Variants in ADAM22 observed in about 807,000 individuals in gnomAD.
ADAM22 encodes ADAM metallopeptidase domain 22.
Under a neutral mutation model 144.6 loss-of-function variants are expected in ADAM22, and 65 were observed. The ratio of observed to expected loss-of-function variants is 0.45; its 90% CI spans 0.37 to 0.55. The LOEUF is 0.55. Ranked by LOEUF, ADAM22 falls within the 20% of genes least tolerant of loss-of-function variation. The pLI is 0.00. For synonymous variants in ADAM22, 391 were observed against 412.6 expected (o/e 0.95, Z 0.63); for missense variants, 974 against 1,184.9 (o/e 0.82, Z 2.61).
chr7:88,094,380 G>A (rs557050603), intron 4 of ADAM22, among the ~76,000 whole-genome samples: 3 of 152,306 alleles, frequency 2.0e-5, no homozygotes, highest in Middle Eastern at 3.4e-3. Context: ...AAATCAGCAT[G>A]TGCAAAGGCC....
In ADAM22 at chr7:87,934,536, G is replaced by C. The variant is rs747812997; in HGVS notation, c.71G>C (p.Arg24Pro). The C allele has an allele frequency of 1.3e-4, 214 of 1,608,012 alleles. No homozygotes were observed. The highest frequency in any genetic ancestry group is 1.7e-4 in the Non-Finnish European group (203 of 1,179,446). The change falls in exon 1 of 32, where the codon CGC becomes CCC. Residue 24 changes from arginine to proline, a missense_variant. Arg to Pro is a moderately radical substitution (Grantham distance 103). Around this residue, in one of 2 missense-constraint regions of ADAM22, gnomAD observed 240 missense variants for 234.3 expected, o/e 1.02. Transcript: ENST00000413139. ...LCVLGTCPPA[R>P]CGQAGDASLM... ...GTCCTGGGGACCTGCCCTCCGGCGC[G>C]CTGCGGCCAGGCAGGTAAGTTAGCC...
At chr7:88,025,631 C>A (rs867133417) in intron 3 of ADAM22, among the ~76,000 whole-genome samples, 9 of 152,270 alleles carry the variant, frequency 5.9e-5, no homozygotes, top group Middle Eastern at 3.4e-3. Context: ...ACTATCTTTT[C>A]CCCAATGTAT....
At chr7:88,016,404 T>C (rs1312160481) in intron 3 of ADAM22, among the ~76,000 whole-genome samples, 1 of 152,212 alleles carries the variant, frequency 6.6e-6, no homozygotes, top group East Asian at 1.9e-4. Context: ...GACTGAAATC[T>C]GAGTCCTAGA....
At chr7:88,085,709 A>T (rs1430400199) in intron 4 of ADAM22, among the ~76,000 whole-genome samples, 2 of 152,256 alleles carry the variant, frequency 1.3e-5, no homozygotes, top group Non-Finnish European at 2.9e-5. Flanking sequence ...TCAGTTCAAG[A>T]AATAAAGCTC....
intron 7 of ADAM22, among the ~76,000 whole-genome samples, chr7:88,124,413 A>G (rs1044859568): frequency 2.0e-5 from 3 of 151,814 alleles, no homozygotes; most frequent in Admixed American, 1.3e-4. Flanking sequence ...ATTGTCTGAT[A>G]TTAATATTTC....
At chr7:87,963,711 G>A (rs1848473641) in intron 2 of ADAM22, among the ~76,000 whole-genome samples, 2 of 152,154 alleles carry the variant, frequency 1.3e-5, no homozygotes, top group African/African-American at 4.8e-5. Flanking sequence ...TTAAGGCTGA[G>A]CAGCTAATCA....
At chr7:88,126,955 C>T (rs1226389340) in intron 8 of ADAM22, among the ~76,000 whole-genome samples, 1 of 151,836 alleles carries the variant, frequency 6.6e-6, no homozygotes, top group Admixed American at 6.6e-5. Flanking sequence ...CCTAGGAAGC[C>T]TGGTCTCAGA....
chr7:88,110,700 C>G (rs13235281), intron 5 of ADAM22, among the ~76,000 whole-genome samples: 1 of 140,652 alleles, frequency 7.1e-6, no homozygotes, highest in African/African-American at 2.6e-5. Flanking sequence ...TTCTTTTGTT[C>G]TTTCATTCAT....
intron 7 of ADAM22, among the ~76,000 whole-genome samples, chr7:88,123,048 C>G (rs1287936956): frequency 6.6e-6 from 1 of 152,094 alleles, no homozygotes; most frequent in Non-Finnish European, 1.5e-5. Context: ...CTCCTTTAAT[C>G]TGTTAATGTG....
chr7:88,019,829 G>A (rs763982167), intron 3 of ADAM22, among the ~76,000 whole-genome samples: 10 of 151,606 alleles, frequency 6.6e-5, no homozygotes, highest in Non-Finnish European at 1.3e-4. Context: ...CAGCCTGGGC[G>A]ACAGAGCGTG....
chr7:87,988,401 G>C (rs895344189), intron 3 of ADAM22, among the ~76,000 whole-genome samples: 15 of 152,174 alleles, frequency 9.9e-5, no homozygotes, highest in Admixed American at 2.0e-4. Context: ...TGTGAGGACT[G>C]TGCTGTAACA....
chr7:88,093,291 A>C (rs1280368266), intron 4 of ADAM22, among the ~76,000 whole-genome samples: 1 of 152,178 alleles, frequency 6.6e-6, no homozygotes, highest in African/African-American at 2.4e-5. Flanking sequence ...AAGCAAAAAA[A>C]AAAAATCACA....
At chr7:88,015,629 G>A (rs2129461455) in intron 3 of ADAM22, among the ~76,000 whole-genome samples, 1 of 152,306 alleles carries the variant, frequency 6.6e-6, no homozygotes, top group Middle Eastern at 3.4e-3. Flanking sequence ...TACGTTAAAT[G>A]TCTTTTTACC....
chr7:87,983,228 C>G (rs1468779246), intron 3 of ADAM22, among the ~76,000 whole-genome samples: 1 of 151,982 alleles, frequency 6.6e-6, no homozygotes, highest in African/African-American at 2.4e-5. Context: ...ATTTATTGTA[C>G]TGTCACTAAA....
rs181586966 is a variant in ADAM22 at position 88,008,487 on chromosome 7, C to G, written c.323+30075C>G. 5.2e-4 allele frequency among the ~76,000 whole-genome samples: 79 copies of G among 152,230 alleles called. 1 individual carries two copies. The East Asian group carries it at 0.012, about 24-fold the overall frequency. On this transcript the variant is annotated intron_variant, in intron 3 of 31. Transcript: ENST00000413139. ...GCAGCACTATTCACAATAGCAAAGA[C>G]TTGGAACCAAGGCAAATGTCCAACA... is the stretch of plus-strand genomic sequence containing the variant.
intron 14 of ADAM22, among the ~76,000 whole-genome samples, chr7:88,139,109 G>T (rs1165600259): frequency 6.6e-6 from 1 of 152,162 alleles, no homozygotes; most frequent in African/African-American, 2.4e-5. Flanking sequence ...CTCAGGTTTT[G>T]ACCAGTAGGA....
chr7:87,965,425 C>T (rs185057929), intron 2 of ADAM22, among the ~76,000 whole-genome samples: 194 of 152,166 alleles, frequency 1.3e-3, no homozygotes, highest in Non-Finnish European at 2.4e-3. Context: ...AAACATAGTT[C>T]CATAGTTTAT....
intron 4 of ADAM22, among the ~76,000 whole-genome samples, chr7:88,082,722 A>G (rs1458032393): frequency 6.6e-6 from 1 of 152,186 alleles, no homozygotes; most frequent in Non-Finnish European, 1.5e-5. Context: ...ATGCAGCCAA[A>G]AAACACATGA....
intron 2 of ADAM22, among the ~76,000 whole-genome samples, chr7:87,954,403 G>T (rs2129443712): frequency 1.3e-5 from 2 of 152,070 alleles, no homozygotes; most frequent in South Asian, 4.2e-4. Context: ...CACTTATGAA[G>T]CTTACTTTGG....
Sources: gnomAD v4.1 joint callset for allele counts (sites outside exome capture counted in the v4.1 genomes callset) on GRCh38, gnomAD v4.1.1 for gene constraint, gnomAD v4.1.1 regional missense constraint, MANE v1.5 for transcripts, NCBI Gene and HGNC (gene_info 2026-07-23, HGNC 2026-07-21) for gene names.